Variants in SUGCT observed in about 807,000 individuals in gnomAD.
The protein encoded by SUGCT is succinyl-CoA:glutarate CoA-transferase.
Under a neutral mutation model 55.0 loss-of-function variants are expected in SUGCT, and 41 were observed. The ratio of observed to expected loss-of-function variants is 0.74; its 90% CI spans 0.58 to 0.97. The LOEUF (loss-of-function observed/expected upper bound fraction) is 0.97. Among genes scored for constraint, SUGCT ranks in the 50% least tolerant of loss-of-function variants. The pLI, the probability that SUGCT is intolerant of heterozygous loss-of-function variation, is 0.00. For synonymous variants in SUGCT, 187 were observed against 200.4 expected, an observed-to-expected ratio of 0.93 and a Z score of 0.56; for missense variants, 568 against 547.8, an observed-to-expected ratio of 1.04 and a Z score of -0.37.
chr7:40,143,058 G>A (rs772362535), intron 1 of SUGCT, among the ~76,000 whole-genome samples: 2 of 152,130 alleles, frequency 1.3e-5, no homozygotes, highest in African/African-American at 4.8e-5. Context: ...TGTGAGAGTC[G>A]AAAGACCCAT....
intron 9 of SUGCT, among the ~76,000 whole-genome samples, chr7:40,329,602 G>A (rs1318961165): frequency 6.6e-6 from 1 of 152,190 alleles, no homozygotes; most frequent in African/African-American, 2.4e-5. Context: ...ACACTGAGTA[G>A]TCTATGGAGT....
intron 12 of SUGCT, among the ~76,000 whole-genome samples, chr7:40,545,346 T>C (rs78538613): frequency 5.3e-5 from 8 of 152,228 alleles, no homozygotes; most frequent in Non-Finnish European, 8.8e-5. Flanking sequence ...ATGTTGAGCC[T>C]TCCTTTCTTC....
At chr7:40,898,363 G>A in the SUGCT span, among the ~76,000 whole-genome samples, 1 of 151,770 alleles carries the variant, frequency 6.6e-6, no homozygotes, top group African/African-American at 2.4e-5. Context: ...CGCTCCTGAA[G>A]TCAGCAAGAG....
chr7:40,311,247 A>T (rs1208360166), intron 8 of SUGCT, among the ~76,000 whole-genome samples: 3 of 152,160 alleles, frequency 2.0e-5, no homozygotes, highest in Non-Finnish European at 4.4e-5. Context: ...TGATTTTTCC[A>T]TGTCTACTGC....
chr7:40,446,973 C>T (rs1788874593), intron 9 of SUGCT, among the ~76,000 whole-genome samples: 4 of 152,094 alleles, frequency 2.6e-5, no homozygotes, highest in Admixed American at 2.6e-4. Flanking sequence ...AATTCATGTA[C>T]CATATAATTC....
At chr7:40,135,438 G>A (rs1006405973) in intron 1 of SUGCT, among the ~76,000 whole-genome samples, 11 of 152,228 alleles carry the variant, frequency 7.2e-5, no homozygotes, top group Non-Finnish European at 1.6e-4. Flanking sequence ...AAGTAACTTC[G>A]AAAATGCACA....
chr7:40,149,992 T>C (rs1038813017), intron 1 of SUGCT, among the ~76,000 whole-genome samples: 2 of 150,824 alleles, frequency 1.3e-5, no homozygotes, highest in East Asian at 2.0e-4. Context: ...ACTCAGGAGG[T>C]TGAGGTGGGA....
chr7:40,545,930 G>T (rs745849231), intron 12 of SUGCT, among the ~76,000 whole-genome samples: 1 of 152,134 alleles, frequency 6.6e-6, no homozygotes, highest in Non-Finnish European at 1.5e-5. Context: ...TGATTTGTTT[G>T]TAAGATTGCC....
At chr7:40,930,658 T>A in the SUGCT span, among the ~76,000 whole-genome samples, 1 of 152,216 alleles carries the variant, frequency 6.6e-6, no homozygotes, top group Non-Finnish European at 1.5e-5. Context: ...GTTGGATTCC[T>A]AGATATTTTA....
At chr7:40,574,312 T>G (rs1305079327) in intron 12 of SUGCT, among the ~76,000 whole-genome samples, 2 of 152,234 alleles carry the variant, frequency 1.3e-5, no homozygotes, top group African/African-American at 4.8e-5. Context: ...CAAATGAAAC[T>G]CCTTATAAAA....
intron 5 of SUGCT, among the ~76,000 whole-genome samples, chr7:40,192,461 A>G (rs1202505706): frequency 6.6e-6 from 1 of 152,188 alleles, no homozygotes; most frequent in South Asian, 2.1e-4. Flanking sequence ...GGCATGTGTT[A>G]TGGTCAGCAG....
chr7:40,984,532 A>G, the SUGCT span, among the ~76,000 whole-genome samples: 1 of 152,054 alleles, frequency 6.6e-6, no homozygotes, highest in Admixed American at 6.5e-5. Flanking sequence ...CTTCCCCTCA[A>G]TTTTTTCCTA....
chr7:40,801,238 C>G (rs763481018), intron 13 of SUGCT, among the ~76,000 whole-genome samples: 5 of 152,160 alleles, frequency 3.3e-5, no homozygotes, highest in Admixed American at 3.3e-4. Context: ...ATGAGCCATC[C>G]GGGGTATTTA....
At chr7:40,825,867 T>TAA (rs1792286989) in intron 13 of SUGCT, among the ~76,000 whole-genome samples, 1 of 152,186 alleles carries the variant, frequency 6.6e-6, no homozygotes, top group Admixed American at 6.5e-5. Flanking sequence ...AGTATTGCTG[T>TAA]AGGAATACCT....
At chr7:40,955,714 T>C in the SUGCT span, among the ~76,000 whole-genome samples, 2 of 152,324 alleles carry the variant, frequency 1.3e-5, no homozygotes, top group South Asian at 4.1e-4. Flanking sequence ...ATGGTGGTTT[T>C]CAAAGGGAAT....
chr7:40,467,204 G>GAAAAAAAAA (rs762283927), intron 11 of SUGCT, among the ~76,000 whole-genome samples: 48 of 83,596 alleles, frequency 5.7e-4, no homozygotes, highest in East Asian at 1.4e-3. Context: ...CTAAGAAAAA[G>GAAAAAAAAA]AAAAAAAAAA....
At chr7:40,795,491 A>G (rs1790507347) in intron 13 of SUGCT, among the ~76,000 whole-genome samples, 2 of 152,194 alleles carry the variant, frequency 1.3e-5, no homozygotes, top group African/African-American at 4.8e-5. Flanking sequence ...AATCTTCACG[A>G]AAAAGAACTT....
the SUGCT span, among the ~76,000 whole-genome samples, chr7:41,028,245 T>C: frequency 2.0e-5 from 3 of 152,216 alleles, no homozygotes. Context: ...TCTTCTGAAG[T>C]TGAGACCCTG....
intron 11 of SUGCT, among the ~76,000 whole-genome samples, chr7:40,475,056 G>A (rs988061937): frequency 6.6e-6 from 1 of 152,272 alleles, no homozygotes; most frequent in African/African-American, 2.4e-5. Flanking sequence ...TATGTGCCAC[G>A]TTGACTTGCA....
Sources: gnomAD v4.1 joint callset for allele counts (sites outside exome capture counted in the v4.1 genomes callset) on GRCh38, gnomAD v4.1.1 for gene constraint, MANE v1.5 for transcripts, NCBI Gene and HGNC (gene_info 2026-07-23, HGNC 2026-07-21) for gene names.